The following FNBP1 variants were observed in gnomAD, a reference collection of about 807,000 sequenced individuals.
FNBP1 encodes formin-binding protein 1.
Under a neutral mutation model 90.6 loss-of-function variants are expected in FNBP1, and 26 were observed. The observed-to-expected ratio is 0.29, with a 90% CI of 0.21 to 0.40. The LOEUF (loss-of-function observed/expected upper bound fraction) is 0.40. Among genes scored for constraint, FNBP1 ranks in the 10% least tolerant of loss-of-function variants. FNBP1 has a pLI of 1.00. For missense variants in FNBP1, 635 were observed against 768.0 expected (o/e 0.83, Z 2.05); for synonymous variants, 260 against 265.2 (o/e 0.98, Z 0.19).
chr9:129,969,013 C>T (rs763184933), intron 4 of FNBP1, among the ~76,000 whole-genome samples: 3 of 152,168 alleles, frequency 2.0e-5, no homozygotes, highest in Admixed American at 1.3e-4. Context: ...AAAGCCCAGA[C>T]GTACTCAAAG....
intron 4 of FNBP1, among the ~76,000 whole-genome samples, chr9:129,975,107 T>C (rs1351961351): frequency 3.3e-5 from 5 of 152,068 alleles, no homozygotes; most frequent in Admixed American, 3.3e-4. Context: ...TAATCCCAGA[T>C]ACTCAGGAGG....
intron 15 of FNBP1, among the ~76,000 whole-genome samples, chr9:129,898,217 A>T (rs1247996231): frequency 6.6e-6 from 1 of 152,142 alleles, no homozygotes; most frequent in Non-Finnish European, 1.5e-5. Context: ...CTCTGACTGC[A>T]TCGACACCCT....
At chr9:130,023,588 C>G (rs997313107) in intron 1 of FNBP1, among the ~76,000 whole-genome samples, 1 of 152,146 alleles carries the variant, frequency 6.6e-6, no homozygotes, top group Non-Finnish European at 1.5e-5. Context: ...CAAGAGGGAC[C>G]AGCAACATAA....
intron 1 of FNBP1, among the ~76,000 whole-genome samples, chr9:130,028,502 A>AT (rs11295336): frequency 2.7e-4 from 40 of 148,674 alleles, no homozygotes; most frequent in African/African-American, 5.4e-4. Context: ...ATCAGTGGAC[A>AT]TTTTTTTTTT....
intron 12 of FNBP1, among the ~76,000 whole-genome samples, chr9:129,905,790 T>C (rs2037922574): frequency 3.3e-5 from 5 of 152,220 alleles, no homozygotes; most frequent in African/African-American, 1.2e-4. Flanking sequence ...ATATATAGAA[T>C]GTATGTTAAA....
intron 1 of FNBP1, among the ~76,000 whole-genome samples, chr9:130,020,164 T>C (rs889714788): frequency 6.6e-6 from 1 of 152,210 alleles, no homozygotes; most frequent in Non-Finnish European, 1.5e-5. Flanking sequence ...ACCAACGACA[T>C]AGATCTCATT....
chr9:129,946,932 T>C (rs2045384036), intron 6 of FNBP1, among the ~76,000 whole-genome samples: 1 of 152,352 alleles, frequency 6.6e-6, no homozygotes, highest in Admixed American at 6.5e-5. Flanking sequence ...GATAACCTTT[T>C]CCTTTCTCAT....
intron 6 of FNBP1, among the ~76,000 whole-genome samples, chr9:129,937,952 C>T (rs1345958368): frequency 1.3e-5 from 2 of 152,054 alleles, no homozygotes; most frequent in Non-Finnish European, 2.9e-5. Flanking sequence ...CAGTTGAGGC[C>T]AGGAGATTGA....
chr9:129,928,254 G>A (rs2042207401), intron 7 of FNBP1, among the ~76,000 whole-genome samples: 1 of 152,210 alleles, frequency 6.6e-6, no homozygotes, highest in South Asian at 2.1e-4. Context: ...ACTGTCATTT[G>A]TTTAAATCCT....
rs529265010 is a variant in FNBP1 at position 130,020,757 on chromosome 9, C to T, written c.24+22195G>A. ...GTTTCTTGCACTGTGCTCTGAATGC[C>T]TTAACAGATTCAAGGGAGGTTAACA... On this transcript the variant is annotated intron_variant, in intron 1 of 16. Coordinates refer to ENST00000446176, the MANE Select transcript of FNBP1 (RefSeq NM_015033.3). 3.9e-5 allele frequency among the ~76,000 whole-genome samples: 6 copies of T among 152,274 alleles called. No individual in the cohort carries two copies. In the South Asian group the frequency reaches 6.2e-4, roughly 16 times the overall value.
intron 2 of FNBP1, among the ~76,000 whole-genome samples, chr9:129,979,637 G>A (rs2050874306): frequency 1.3e-5 from 2 of 152,112 alleles, no homozygotes; most frequent in African/African-American, 4.8e-5. Context: ...GTGTAAATAT[G>A]CAGTGGCTTT....
intron 9 of FNBP1, 59 bp from the exon 10 acceptor site, chr9:129,924,085 C>T: frequency 6.9e-7 from 1 of 1,453,466 alleles, no homozygotes; most frequent in Non-Finnish European, 9.0e-7. Context: ...AGACACAAAA[C>T]AAAAATAAGC....
chr9:129,922,752 G>A (rs1239123821), intron 10 of FNBP1, among the ~76,000 whole-genome samples: 3 of 151,928 alleles, frequency 2.0e-5, no homozygotes, highest in African/African-American at 4.8e-5. Flanking sequence ...TTCTCCTTTC[G>A]ACCCTGAGGC....
intron 1 of FNBP1, among the ~76,000 whole-genome samples, chr9:130,007,865 A>C (rs753461586): frequency 6.6e-6 from 1 of 151,846 alleles, no homozygotes; most frequent in Non-Finnish European, 1.5e-5. Flanking sequence ...AAAATACAAA[A>C]ATTAGCTGGG....
At chr9:129,940,905 G>A (rs568181542) in intron 6 of FNBP1, among the ~76,000 whole-genome samples, 3 of 152,002 alleles carry the variant, frequency 2.0e-5, no homozygotes, top group South Asian at 2.1e-4. Context: ...GATTACAGGC[G>A]TGAGCCACCA....
At chr9:129,980,710 C>T (rs1389368654) in intron 2 of FNBP1, among the ~76,000 whole-genome samples, 2 of 147,956 alleles carry the variant, frequency 1.4e-5, no homozygotes, top group African/African-American at 5.0e-5. Flanking sequence ...ACTGGTTCTA[C>T]TGACTGATTT....
At chr9:129,950,178 A>C (rs2045959101) in intron 6 of FNBP1, among the ~76,000 whole-genome samples, 1 of 152,228 alleles carries the variant, frequency 6.6e-6, no homozygotes, top group Non-Finnish European at 1.5e-5. Flanking sequence ...CAAAGTAAAA[A>C]ACTGACAGAA....
chr9:129,898,927 A>G (rs556107583), intron 15 of FNBP1, among the ~76,000 whole-genome samples: 2 of 152,200 alleles, frequency 1.3e-5, no homozygotes, highest in African/African-American at 4.8e-5. Flanking sequence ...GGATGAAATG[A>G]TCATCCTCCC....
At chr9:129,949,662 A>T (rs1020800296) in intron 6 of FNBP1, among the ~76,000 whole-genome samples, 22 of 152,012 alleles carry the variant, frequency 1.4e-4, no homozygotes, top group African/African-American at 5.1e-4. Context: ...AGAGTCTGAG[A>T]CCTGCCTGGG....
Sources: gnomAD v4.1 joint callset for allele counts (sites outside exome capture counted in the v4.1 genomes callset) on GRCh38, gnomAD v4.1.1 for gene constraint, MANE v1.5 for transcripts, NCBI Gene and HGNC (gene_info 2026-07-23, HGNC 2026-07-21) for gene names.